The following LTBP2 variants were observed in gnomAD, a reference collection of about 807,000 sequenced individuals.
LTBP2 encodes the protein latent-transforming growth factor beta-binding protein 2.
LTBP2 carries 103 observed loss-of-function variants against 210.6 expected under a neutral mutation model. The observed-to-expected ratio is 0.49, with a 90% CI of 0.42 to 0.58. The LOEUF is 0.58. Among genes scored for constraint, LTBP2 ranks in the 20% least tolerant of loss-of-function variants. The pLI is 0.00. For missense variants in LTBP2, 2,313 were observed against 2,494.5 expected (o/e 0.93, Z 1.55); for synonymous variants, 1,007 against 1,015.0 (o/e 0.99, Z 0.15).
intron 15 of LTBP2, 45 bp downstream of exon 15, chr14:74,525,079 C>T: frequency 8.9e-7 from 1 of 1,122,318 alleles, no homozygotes; most frequent in Non-Finnish European, 1.2e-6. Flanking sequence ...AGACACAGCT[C>T]ACAGGGCAGG....
intron 3 of LTBP2, among the ~76,000 whole-genome samples, chr14:74,560,644 T>C (rs1232031540): frequency 6.6e-6 from 1 of 152,194 alleles, no homozygotes; most frequent in African/African-American, 2.4e-5. Context: ...ATTTACTTCA[T>C]AAATCGGGCT....
At chr14:74,588,924 A>G (rs2088245563) in intron 2 of LTBP2, among the ~76,000 whole-genome samples, 1 of 152,080 alleles carries the variant, frequency 6.6e-6, no homozygotes, top group East Asian at 1.9e-4. Context: ...TGACTCCCAG[A>G]AGGGTGGGCA....
chr14:74,558,197 C>T (rs577507031), intron 3 of LTBP2, among the ~76,000 whole-genome samples: 149 of 152,258 alleles, frequency 9.8e-4, no homozygotes, highest in African/African-American at 3.4e-3. Context: ...GTCAGGAGTT[C>T]GAGACCAGCC....
chr14:74,550,990 G>A lies in LTBP2; in HGVS notation c.1686+74C>T, dbSNP rs564158532. ...TCCATAAGAACAAAGAGGACAGAGAGGAGGAGAAGGGCAGACTGGGGACAA... is the reference window on the plus strand; with the variant it reads ...TCCATAAGAACAAAGAGGACAGAGAAGAGGAGAAGGGCAGACTGGGGACAA... On this transcript the variant is annotated intron_variant, in intron 7 of 35. Transcript: ENST00000261978. The A allele has an allele frequency of 2.1e-5, 33 of 1,553,676 alleles. 1 individual carries two copies. The African/African-American group carries it at 4.1e-4, about 19-fold the overall frequency.
At chr14:74,548,319 A>G (rs1403200676) in intron 8 of LTBP2, among the ~76,000 whole-genome samples, 1 of 151,824 alleles carries the variant, frequency 6.6e-6, no homozygotes, top group Non-Finnish European at 1.5e-5. Flanking sequence ...TTTGCACAGC[A>G]CTCAGGACTT....
At chr14:74,527,144 G>A (rs2087283656) in intron 13 of LTBP2, among the ~76,000 whole-genome samples, 1 of 152,238 alleles carries the variant, frequency 6.6e-6, no homozygotes, top group Non-Finnish European at 1.5e-5. Context: ...ATAAACAAGA[G>A]CTGTTGTTAT....
At chr14:74,501,978 G>A (rs1595235795) in intron 34 of LTBP2, 2 of 326,332 alleles carry the variant, frequency 6.1e-6, no homozygotes, top group East Asian at 1.5e-4. Context: ...TTTGGGAAGT[G>A]GGGAACAATT....
At chr14:74,565,403 G>C (rs1041220631) in intron 3 of LTBP2, among the ~76,000 whole-genome samples, 4 of 152,188 alleles carry the variant, frequency 2.6e-5, no homozygotes, top group Non-Finnish European at 5.9e-5. Context: ...AAAGAGAGGC[G>C]AGCTGGAGGC....
chr14:74,503,686 A>G, intron 31 of LTBP2, 80 bp from the exon 32 acceptor site: 1 of 1,576,092 alleles, frequency 6.3e-7, no homozygotes, highest in Non-Finnish European at 8.6e-7. Context: ...TTTGCCTATC[A>G]CTGATAATGA....
At chr14:74,608,715 G>GAAAAAAAAAAAAAAAA (rs5809673) in intron 1 of LTBP2, among the ~76,000 whole-genome samples, 4 of 116,232 alleles carry the variant, frequency 3.4e-5, no homozygotes, top group Admixed American at 2.6e-4. Context: ...TCAAAAAAAA[G>GAAAAAAAAAAAAAAAA]AAAAAAAAAA....
intron 28 of LTBP2, among the ~76,000 whole-genome samples, chr14:74,505,500 C>T (rs1054490522): frequency 3.3e-5 from 5 of 152,188 alleles, no homozygotes; most frequent in Non-Finnish European, 7.4e-5. Context: ...GACGGGCTGC[C>T]CCCAGTGCCT....
chr14:74,508,537 C>A (rs2087021678), intron 24 of LTBP2, 67 bp downstream of exon 24: 1 of 1,565,774 alleles, frequency 6.4e-7, no homozygotes, highest in East Asian at 2.3e-5. Flanking sequence ...TGCTCCTGAC[C>A]AGTAGAGGTA....
chr14:74,602,321 G>A (rs2088459655), intron 2 of LTBP2, among the ~76,000 whole-genome samples: 2 of 152,210 alleles, frequency 1.3e-5, no homozygotes, highest in Admixed American at 6.5e-5. Context: ...CTAAGATAAT[G>A]CATGTGAAGA....
chr14:74,595,769 G>A (rs532047461), intron 2 of LTBP2, among the ~76,000 whole-genome samples: 1 of 152,358 alleles, frequency 6.6e-6, no homozygotes, highest in Admixed American at 6.5e-5. Context: ...CATCACCTCT[G>A]TGAGCCTCAG....
chr14:74,590,303 A>G (rs1335013582), intron 2 of LTBP2, among the ~76,000 whole-genome samples: 4 of 152,240 alleles, frequency 2.6e-5, no homozygotes, highest in African/African-American at 9.6e-5. Context: ...AGTAAAGGCA[A>G]AGAAGTCATT....
In LTBP2 at chr14:74,511,360, G is replaced by C. The variant is rs1311790450; in HGVS notation, c.2913C>G (p.Ile971Met). Residue 971 changes from isoleucine (I) to methionine (M), a missense_variant, in exon 19 of 36, where the codon ATC (isoleucine) becomes ATG (methionine). Transcript: ENST00000261978. Reference sequence around the variant, plus strand: ...AGGTACCGGGGTGACGGCATTCGTTGATATCTGCAAAACAGCAGCCCCTCC... The same window carrying C: ...AGGTACCGGGGTGACGGCATTCGTTCATATCTGCAAAACAGCAGCCCCTCC... ...IMVRKGHCQD[I>M]NECRHPGTCP... 2.5e-6 allele frequency: 4 copies of C among 1,613,962 alleles called. No individual in the cohort carries two copies. The highest frequency in any genetic ancestry group is 3.4e-6 in the Non-Finnish European group (4 of 1,179,996).
intron 18 of LTBP2, 121 bp downstream of exon 18, chr14:74,516,701 G>T (rs2087138981): frequency 1.5e-6 from 2 of 1,313,848 alleles, no homozygotes; most frequent in Non-Finnish European, 2.1e-6. Context: ...ATAGACGTGG[G>T]CTCAGCATCA....
chr14:74,502,282 G>A (rs1283534852), intron 34 of LTBP2, among the ~76,000 whole-genome samples: 4 of 152,106 alleles, frequency 2.6e-5, no homozygotes, highest in Admixed American at 6.5e-5. Flanking sequence ...CACACTTCAG[G>A]TCACAAGTGT....
intron 3 of LTBP2, among the ~76,000 whole-genome samples, chr14:74,585,476 G>A (rs1164123012): frequency 6.6e-6 from 1 of 152,222 alleles, no homozygotes. Context: ...CCTTACTGAT[G>A]CAGAATCCGA....
Sources: allele counts gnomAD v4.1 joint callset (sites outside exome capture counted in the v4.1 genomes callset), GRCh38; gene constraint gnomAD v4.1.1; transcripts MANE v1.5; gene names NCBI Gene and HGNC (gene_info 2026-07-23, HGNC 2026-07-21).